Variants in NUBPL observed in about 807,000 individuals in gnomAD.
The protein encoded by NUBPL is NUBP iron-sulfur cluster assembly factor, mitochondrial, also known as iron-sulfur cluster transfer protein NUBPL.
A neutral mutation model predicts 45.7 loss-of-function variants in NUBPL; 31 were observed. The observed-to-expected ratio is 0.68, with a 90% CI of 0.51 to 0.92. The LOEUF is 0.92. NUBPL is among the 40% of genes least tolerant of loss of function. The pLI is 0.00. For missense variants in NUBPL, 401 were observed against 398.7 expected (o/e 1.01, Z -0.05); for synonymous variants, 144 against 140.9 (o/e 1.02, Z -0.15).
chr14:31,739,892 G>A (rs766148891), intron 6 of NUBPL, among the ~76,000 whole-genome samples: 16 of 152,154 alleles, frequency 1.1e-4, no homozygotes, highest in African/African-American at 2.7e-4. Flanking sequence ...CCAGAAAGTC[G>A]TAGTTGGATT....
rs541812031 is a variant in NUBPL at position 31,674,390 on chromosome 14, C to CT, written c.513+823dup. ...ATCTGTCTTGAACTCTGAAACTCTT[C>CT]TTTTTTTCACTATAACATCTTGCCT... On this transcript the variant is annotated intron_variant, in intron 6 of 10. Transcript: ENST00000281081. 2.1e-3 allele frequency among the ~76,000 whole-genome samples: 321 copies of CT among 152,278 alleles called. 1 individual carries two copies. The highest frequency in any genetic ancestry group is 7.3e-3 in the African/African-American group (305 of 41,570).
chr14:31,569,506 G>A (rs2033524931), intron 3 of NUBPL, among the ~76,000 whole-genome samples: 1 of 152,134 alleles, frequency 6.6e-6, no homozygotes, highest in Non-Finnish European at 1.5e-5. Context: ...CTGCATTGAG[G>A]TTTTAAAAGC....
intron 3 of NUBPL, among the ~76,000 whole-genome samples, chr14:31,584,291 A>G (rs994268032): frequency 6.6e-6 from 1 of 151,950 alleles, no homozygotes; most frequent in Non-Finnish European, 1.5e-5. Flanking sequence ...CTCCCGGCTG[A>G]TTTTTTAATT....
intron 6 of NUBPL, among the ~76,000 whole-genome samples, chr14:31,692,213 T>C (rs191103051): frequency 3.5e-4 from 53 of 152,336 alleles, no homozygotes; most frequent in African/African-American, 1.2e-3. Context: ...ATCTAATACA[T>C]TTCACTCAAT....
At chr14:31,634,335 G>A (rs1191404199) in intron 4 of NUBPL, among the ~76,000 whole-genome samples, 8 of 147,002 alleles carry the variant, frequency 5.4e-5, no homozygotes, top group East Asian at 2.0e-4. Flanking sequence ...GAGAACATGC[G>A]GTGTTTGGTT....
intron 4 of NUBPL, among the ~76,000 whole-genome samples, chr14:31,611,449 A>G (rs2034755811): frequency 6.6e-6 from 1 of 152,256 alleles, no homozygotes; most frequent in African/African-American, 2.4e-5. Context: ...AAGATTTTCC[A>G]TGTTCATGGA....
intron 6 of NUBPL, among the ~76,000 whole-genome samples, chr14:31,781,853 C>A (rs1473864816): frequency 2.0e-5 from 3 of 152,180 alleles, no homozygotes; most frequent in South Asian, 2.1e-4. Flanking sequence ...CTTAAATAAC[C>A]AGTCATTTTA....
intron 6 of NUBPL, among the ~76,000 whole-genome samples, chr14:31,784,219 T>C (rs2039245262): frequency 6.6e-6 from 1 of 152,208 alleles, no homozygotes; most frequent in Non-Finnish European, 1.5e-5. Flanking sequence ...ATAAGACTGA[T>C]TTATGAGTTA....
intron 6 of NUBPL, among the ~76,000 whole-genome samples, chr14:31,719,502 A>C (rs77601350): frequency 1.8e-4 from 27 of 150,214 alleles, no homozygotes; most frequent in African/African-American, 6.3e-4. Flanking sequence ...AAAAAAAAAA[A>C]CTACCTTATT....
chr14:31,572,461 A>G (rs2033613408), intron 3 of NUBPL, among the ~76,000 whole-genome samples: 1 of 152,172 alleles, frequency 6.6e-6, no homozygotes, highest in Non-Finnish European at 1.5e-5. Flanking sequence ...TATGATTAAG[A>G]ACTAGGTTGT....
intron 4 of NUBPL, among the ~76,000 whole-genome samples, chr14:31,612,385 C>T (rs1160697758): frequency 6.6e-6 from 1 of 152,130 alleles, no homozygotes; most frequent in African/African-American, 2.4e-5. Context: ...GCTCAACAGG[C>T]TGGGCGCAGT....
chr14:31,634,262 G>C (rs1312673859), intron 4 of NUBPL, among the ~76,000 whole-genome samples: 158 of 108,438 alleles, frequency 1.5e-3, no homozygotes, highest in Non-Finnish European at 2.4e-3. Flanking sequence ...CAACAGTCCC[G>C]AGAGTGTGAT....
intron 6 of NUBPL, among the ~76,000 whole-genome samples, chr14:31,700,628 C>T (rs1185771514): frequency 6.6e-6 from 1 of 152,160 alleles, no homozygotes; most frequent in African/African-American, 2.4e-5. Context: ...TCGGCGGGCC[C>T]TGCACTTCGA....
chr14:31,664,152 G>T (rs577618509), intron 4 of NUBPL, among the ~76,000 whole-genome samples: 38 of 152,288 alleles, frequency 2.5e-4, no homozygotes, highest in Middle Eastern at 3.4e-3. Context: ...GACAATGGGG[G>T]TTTTTTAAAT....
At chr14:31,713,121 C>T (rs541199333) in intron 6 of NUBPL, among the ~76,000 whole-genome samples, 25 of 152,238 alleles carry the variant, frequency 1.6e-4, no homozygotes, top group African/African-American at 5.1e-4. Flanking sequence ...ATAAGACAAA[C>T]GTTAGTTTTA....
At chr14:31,701,793 G>A (rs969935300) in intron 6 of NUBPL, among the ~76,000 whole-genome samples, 23 of 152,312 alleles carry the variant, frequency 1.5e-4, no homozygotes, top group African/African-American at 4.8e-4. Context: ...GCGAGGGTCC[G>A]CGGCTTCATT....
Position 31,859,827 on chromosome 14 carries a change from T to C in NUBPL, c.*647T>C, listed in dbSNP as rs2040684131. On this transcript the variant is annotated 3_prime_UTR_variant, in exon 11 of 11. Coordinates refer to ENST00000281081, the MANE Select transcript of NUBPL (RefSeq NM_025152.3). ...AATTATAATTGTTCTTCCATTTGTG[T>C]GAGTGGGTACTATTATCTCCATTTT... 6.4e-6 allele frequency: 1 copy of C among 156,382 alleles called. No individual in the cohort carries two copies. The allele number at this position is 156,382 out of a possible 1,614,324, so 9.7% of individuals were successfully genotyped here.
At chr14:31,671,291 G>A (rs2036564606) in intron 4 of NUBPL, among the ~76,000 whole-genome samples, 1 of 152,070 alleles carries the variant, frequency 6.6e-6, no homozygotes, top group Admixed American at 6.6e-5. Flanking sequence ...TGGACATTTA[G>A]GTTGATTTCA....
chr14:31,818,956 C>G (rs2039971253), intron 7 of NUBPL, among the ~76,000 whole-genome samples: 1 of 152,138 alleles, frequency 6.6e-6, no homozygotes, highest in South Asian at 2.1e-4. Flanking sequence ...CTTGTATAGT[C>G]TGTTGGAAAG....
Sources: allele counts gnomAD v4.1 joint callset (sites outside exome capture counted in the v4.1 genomes callset), GRCh38; gene constraint gnomAD v4.1.1; transcripts MANE v1.5; gene names NCBI Gene and HGNC (gene_info 2026-07-23, HGNC 2026-07-21).